The following TARS1 variants were observed in gnomAD, a reference collection of about 807,000 sequenced individuals.
The protein encoded by TARS1 is threonine--tRNA ligase 1, cytoplasmic.
Under a neutral mutation model 97.7 loss-of-function variants are expected in TARS1, and 57 were observed. The ratio of observed to expected loss-of-function variants is 0.58; its 90% CI spans 0.47 to 0.73. TARS1 has a LOEUF of 0.73. Ranked by LOEUF, TARS1 falls within the 30% of genes least tolerant of loss-of-function variation. TARS1 has a pLI of 0.00. For synonymous variants in TARS1, 312 were observed against 293.7 expected (o/e 1.06, Z -0.64); for missense variants, 806 against 888.3 (o/e 0.91, Z 1.18).
chr5:33,459,954 C>T (rs910884696), intron 11 of TARS1, 93 bp downstream of exon 11: 13 of 1,367,244 alleles, frequency 9.5e-6, no homozygotes, highest in Non-Finnish European at 1.2e-5. Context: ...TCATTAAAAA[C>T]AAATTATGTG....
At chr5:33,455,941 A>C (rs908540627) in intron 6 of TARS1, 61 bp from the exon 7 acceptor site, 1 of 1,426,914 alleles carries the variant, frequency 7.0e-7, no homozygotes, top group East Asian at 2.4e-5. Context: ...TTTTAGCTAT[A>C]GTACTTAGAA....
At chr5:33,444,731 AC>A (rs1741322323) in intron 1 of TARS1, among the ~76,000 whole-genome samples, 1 of 152,188 alleles carries the variant, frequency 6.6e-6, no homozygotes, top group African/African-American at 2.4e-5. Flanking sequence ...CTCAGAATCC[AC>A]CTGTTGAAAT....
chr5:33,458,484 T>C, intron 9 of TARS1, 82 bp from the exon 10 acceptor site: 2 of 1,202,676 alleles, frequency 1.7e-6, no homozygotes, highest in Admixed American at 2.2e-5. Context: ...TATTCTGAGC[T>C]CAAGAACACT....
At chr5:33,462,468 A>G (rs1202182441) in intron 16 of TARS1, among the ~76,000 whole-genome samples, 3 of 152,246 alleles carry the variant, frequency 2.0e-5, no homozygotes, top group Non-Finnish European at 2.9e-5. Flanking sequence ...AGGAATTAGT[A>G]TTCTGTAAGA....
At chr5:33,443,050 C>T (rs560904009) in intron 1 of TARS1, among the ~76,000 whole-genome samples, 1 of 152,130 alleles carries the variant, frequency 6.6e-6, no homozygotes. Flanking sequence ...TGTTTCCCAA[C>T]TTTTGGGTTG....
At chr5:33,448,185 A>G (rs140582594) in intron 2 of TARS1, among the ~76,000 whole-genome samples, 85 of 152,352 alleles carry the variant, frequency 5.6e-4, no homozygotes, top group African/African-American at 1.9e-3. Flanking sequence ...ATGAAACAAA[A>G]TAGAAAAGCC....
chr5:33,447,312 T>A (rs1227222092), intron 2 of TARS1, among the ~76,000 whole-genome samples: 2 of 152,190 alleles, frequency 1.3e-5, no homozygotes, highest in Non-Finnish European at 2.9e-5. Flanking sequence ...AGTGGCCCAA[T>A]CTTGGCTCAC....
At chr5:33,441,948 C>T (rs186492930) in intron 1 of TARS1, 7 of 152,292 alleles carry the variant, frequency 4.6e-5, no homozygotes, top group Admixed American at 6.5e-5. Flanking sequence ...GTTAAAGGAA[C>T]AGTAATCAGA....
chr5:33,458,497 A>C, intron 9 of TARS1, 69 bp from the exon 10 acceptor site: 1 of 1,367,136 alleles, frequency 7.3e-7, no homozygotes, highest in South Asian at 1.3e-5. Context: ...AGAACACTGA[A>C]ATTTATGTAT....
intron 1 of TARS1, among the ~76,000 whole-genome samples, chr5:33,444,748 C>T (rs1033380683): frequency 2.0e-5 from 3 of 152,340 alleles, no homozygotes; most frequent in Middle Eastern, 3.4e-3. Flanking sequence ...GAAATGCATT[C>T]CATCCTTTAA....
chr5:33,459,988 C>A, intron 11 of TARS1, 127 bp downstream of exon 11: 8 of 957,528 alleles, frequency 8.4e-6, no homozygotes, highest in Non-Finnish European at 1.2e-5. Context: ...TTAAACGCAA[C>A]ATCTTTGTAT....
At chr5:33,446,599 C>A in intron 2 of TARS1, 1 of 1,108,742 alleles carries the variant, frequency 9.0e-7, no homozygotes, top group Non-Finnish European at 1.2e-6. Flanking sequence ...TTGGTCTTCC[C>A]CTCCAAGGGC....
intron 3 of TARS1, chr5:33,452,296 G>A (rs1741784244): frequency 1.4e-6 from 2 of 1,380,644 alleles, no homozygotes; most frequent in Non-Finnish European, 2.0e-6. Flanking sequence ...CTCTAGCTGT[G>A]CATTTAGATG....
At chr5:33,445,562 A>G (rs1018298348) in intron 2 of TARS1, among the ~76,000 whole-genome samples, 158 bp downstream of exon 2, 6 of 152,242 alleles carry the variant, frequency 3.9e-5, no homozygotes, top group Middle Eastern at 3.2e-3. Context: ...GGAAAGGGTA[A>G]TCTGAGAGGG....
intron 2 of TARS1, among the ~76,000 whole-genome samples, 161 bp downstream of exon 2, chr5:33,445,565 TGA>T (rs1741371523): frequency 6.6e-6 from 1 of 152,180 alleles, no homozygotes; most frequent in Non-Finnish European, 1.5e-5. Context: ...AAGGGTAATC[TGA>T]GAGGGGAAAA....
rs1282007823 is a variant in TARS1, at chr5:33,448,702, T to C, written c.300T>C (p.Thr100=). Residue 100 remains threonine (T), a synonymous_variant, in exon 3 of 19, where the codon ACT becomes ACC. Transcript: ENST00000265112. The part of the protein sequence containing the change: ...GKQVDAESWK[T]TPYQIACGIS... ...AGGTTGATGCGGAATCTTGGAAAAC[T>C]ACACCATATCAAATTGCCTGTGGAA... The C allele has an allele frequency of 6.2e-7, 1 of 1,613,708 alleles. No individual in the cohort carries two copies. The highest frequency in any genetic ancestry group is 8.5e-7 in the Non-Finnish European group (1 of 1,179,792).
In TARS1 at chr5:33,462,124, C is replaced by T; in HGVS notation, c.1756C>T (p.Pro586Ser). 1 of 1,612,792 alleles carries T rather than the reference C, an allele frequency of 6.2e-7. No homozygotes were observed. Among genetic ancestry groups the T allele is most frequent in the South Asian group, 1.1e-5 (1 of 90,916 alleles). The change falls in exon 16 of 19, where the codon CCA becomes TCA. Residue 586 changes from proline to serine, a missense_variant. Pro to Ser is a moderately conservative substitution (Grantham distance 74). This residue lies in a region of TARS1 where 446 missense variants were observed against 511.0 expected (regional missense o/e 0.87). Transcript: ENST00000265112. ...CCATGATGGTGATGATAAGAAAAGG[C>T]CAGTGATTGTTCATCGAGCCATCTT... ...VSHDGDDKKRPVIVHRAILGS... is the reference protein window; with the variant it reads ...VSHDGDDKKRSVIVHRAILGS...
rs574003119 is a variant in TARS1, at chr5:33,450,981, G to T, written c.329+2250G>T. 4.8e-3 allele frequency among the ~76,000 whole-genome samples: 726 copies of T among 152,228 alleles called. 9 individuals carry two copies. Among genetic ancestry groups the T allele is most frequent in the African/African-American group, 0.017 (697 of 41,552 alleles). On this transcript the variant is annotated intron_variant, in intron 3 of 18. Coordinates refer to ENST00000265112, the MANE Select transcript of TARS1 (RefSeq NM_152295.5). ...AATACAAAAATTAGCCAGTCATGGT[G>T]GCGCACACCTGTAGTCCCAACTACT...
chr5:33,455,240 T>C (rs1741956045), intron 5 of TARS1, among the ~76,000 whole-genome samples, 174 bp downstream of exon 5: 1 of 152,140 alleles, frequency 6.6e-6, no homozygotes, highest in African/African-American at 2.4e-5. Context: ...GAGGATTTGA[T>C]GAGACCTCTG....
Sources: allele counts gnomAD v4.1 joint callset (sites outside exome capture counted in the v4.1 genomes callset), GRCh38; gene constraint gnomAD v4.1.1; regional missense constraint gnomAD v4.1.1; transcripts MANE v1.5; gene names NCBI Gene and HGNC (gene_info 2026-07-23, HGNC 2026-07-21).